The following EXOC4 variants were observed in gnomAD, a reference collection of about 807,000 sequenced individuals.
EXOC4 encodes the protein exocyst complex component 4, also known as SEC8-like 1.
A neutral mutation model predicts 107.2 loss-of-function variants in EXOC4; 71 were observed. That is an observed-to-expected ratio of 0.66 (90% CI 0.55 to 0.81). EXOC4 has a LOEUF of 0.81. EXOC4 is among the 30% of genes least tolerant of loss of function. The probability of loss-of-function intolerance (pLI) is 0.00; values close to 1 mark genes in which losing one functional copy is unlikely to be tolerated. For missense variants in EXOC4, 1,108 were observed against 1,189.6 expected (o/e 0.93, Z 1.01); for synonymous variants, 456 against 441.2 (o/e 1.03, Z -0.42).
At chr7:133,706,851 C>T (rs1353058664) in intron 10 of EXOC4, among the ~76,000 whole-genome samples, 2 of 152,084 alleles carry the variant, frequency 1.3e-5, no homozygotes, top group Non-Finnish European at 2.9e-5. Context: ...GCACTAATCC[C>T]ATCATGAGAT....
At chr7:133,705,081 G>A (rs1438443423) in intron 10 of EXOC4, among the ~76,000 whole-genome samples, 1 of 152,134 alleles carries the variant, frequency 6.6e-6, no homozygotes, top group Non-Finnish European at 1.5e-5. Flanking sequence ...AATTAAGAGA[G>A]AGGCAGGCAC....
intron 5 of EXOC4, among the ~76,000 whole-genome samples, chr7:133,338,836 C>T (rs1795591886): frequency 6.8e-6 from 1 of 148,078 alleles, no homozygotes; most frequent in South Asian, 2.2e-4. Context: ...TCACTGCAAC[C>T]TCTGCTTCCC....
At chr7:133,545,966 T>C (rs1800472373) in intron 9 of EXOC4, among the ~76,000 whole-genome samples, 1 of 152,174 alleles carries the variant, frequency 6.6e-6, no homozygotes, top group Non-Finnish European at 1.5e-5. Flanking sequence ...CTTCAGTTGG[T>C]TTAACTTGCT....
chr7:133,390,650 G>A (rs1035903850), intron 7 of EXOC4, among the ~76,000 whole-genome samples: 1 of 152,252 alleles, frequency 6.6e-6, no homozygotes, highest in South Asian at 2.1e-4. Context: ...TGAGGGTGGG[G>A]CACCAACAGT....
intron 11 of EXOC4, among the ~76,000 whole-genome samples, chr7:133,850,444 C>CT (rs1053028615): frequency 3.9e-4 from 59 of 150,200 alleles, no homozygotes; most frequent in Middle Eastern, 6.8e-3. Flanking sequence ...TTTGTTTTTT[C>CT]TTTTTTTTTA....
chr7:133,707,700 C>T (rs924309713), intron 10 of EXOC4, among the ~76,000 whole-genome samples: 1 of 152,064 alleles, frequency 6.6e-6, no homozygotes, highest in Non-Finnish European at 1.5e-5. Context: ...ACTGCAACTT[C>T]CACCTCCTGG....
intron 14 of EXOC4, among the ~76,000 whole-genome samples, chr7:133,961,839 CA>C (rs1585281278): frequency 6.6e-6 from 1 of 152,190 alleles, no homozygotes; most frequent in Non-Finnish European, 1.5e-5. Context: ...CTTTCAACAG[CA>C]GTAATAGTTG....
intron 10 of EXOC4, among the ~76,000 whole-genome samples, chr7:133,685,468 C>A (rs180670907): frequency 1.3e-5 from 2 of 152,230 alleles, no homozygotes; most frequent in African/African-American, 4.8e-5. Context: ...ATCAATTAAA[C>A]CTCTTTCCTT....
intron 9 of EXOC4, among the ~76,000 whole-genome samples, chr7:133,589,093 CT>C (rs765203250): frequency 3.3e-5 from 5 of 152,050 alleles, no homozygotes; most frequent in Non-Finnish European, 7.4e-5. Context: ...GGTCAGGACA[CT>C]TTTATAAGTG....
At chr7:133,902,659 C>G (rs892332134) in intron 12 of EXOC4, among the ~76,000 whole-genome samples, 3 of 152,066 alleles carry the variant, frequency 2.0e-5, no homozygotes, top group Non-Finnish European at 4.4e-5. Flanking sequence ...TTGAGACCAT[C>G]ATGGCCAACA....
At chr7:133,593,128 AT>A (rs1268340712) in intron 9 of EXOC4, among the ~76,000 whole-genome samples, 1 of 152,156 alleles carries the variant, frequency 6.6e-6, no homozygotes, top group Non-Finnish European at 1.5e-5. Flanking sequence ...GTCATTCTTG[AT>A]TTTTTTGTGA....
chr7:133,262,979 G>A (rs943064051), intron 1 of EXOC4, among the ~76,000 whole-genome samples: 1 of 152,146 alleles, frequency 6.6e-6, no homozygotes, highest in African/African-American at 2.4e-5. Flanking sequence ...TCATGATAGT[G>A]AATAAGTCTC....
intron 11 of EXOC4, among the ~76,000 whole-genome samples, chr7:133,892,879 G>T (rs898409386): frequency 7.0e-6 from 1 of 143,210 alleles, no homozygotes; most frequent in Non-Finnish European, 1.5e-5. Flanking sequence ...GTGTGGTGTG[G>T]TAATGAAAAA....
the EXOC4 span, among the ~76,000 whole-genome samples, chr7:134,083,697 C>A: frequency 1.3e-5 from 2 of 152,106 alleles, no homozygotes; most frequent in Non-Finnish European, 2.9e-5. Context: ...CTAAAAAAAA[C>A]CAAAGCAGAT....
At chr7:134,064,239 A>T in intron 17 of EXOC4, 52 bp from the exon 18 acceptor site, 1 of 1,250,762 alleles carries the variant, frequency 8.0e-7, no homozygotes. Flanking sequence ...TCCCCTCGAG[A>T]CGACGTTACC....
Position 133,952,168 on chromosome 7 carries a change from AAAG to A in EXOC4, c.2206+14102_2206+14104del, listed in dbSNP as rs200646598. Among the ~76,000 whole-genome samples, 215 of 139,618 alleles carry A rather than the reference AAAG, an allele frequency of 1.5e-3. 1 individual carries two copies. The highest frequency in any genetic ancestry group is 4.2e-3 in the African/African-American group (172 of 41,108). The allele number at this position is 139,618 out of a possible 152,430, so 91.6% of individuals were successfully genotyped here. A position where few individuals can be genotyped will look rare whatever the true frequency, so the allele number is the denominator to read the frequency against. ...GTGAGACTGTGTCTCAGAAAAAAAA[AAAG>A]AAAAAAAAAGAAGCTGTTGAATTGT... On this transcript the variant is annotated intron_variant, in intron 14 of 17. Transcript: ENST00000253861.
chr7:133,947,581 A>G (rs1800583946), intron 14 of EXOC4, among the ~76,000 whole-genome samples: 1 of 152,174 alleles, frequency 6.6e-6, no homozygotes, highest in African/African-American at 2.4e-5. Flanking sequence ...CCCAACCACA[A>G]TTCCCTCTGT....
chr7:133,695,304 C>A (rs536943720), intron 10 of EXOC4, among the ~76,000 whole-genome samples: 1 of 152,190 alleles, frequency 6.6e-6, no homozygotes, highest in South Asian at 2.1e-4. Flanking sequence ...GACAGCTTCC[C>A]ATTCTTTTTA....
At chr7:133,711,112 T>G (rs1794884329) in intron 10 of EXOC4, among the ~76,000 whole-genome samples, 2 of 152,220 alleles carry the variant, frequency 1.3e-5, no homozygotes, top group Admixed American at 6.5e-5. Context: ...GGCATTTCAG[T>G]GCACAACCAG....
Sources: allele counts gnomAD v4.1 joint callset (sites outside exome capture counted in the v4.1 genomes callset), GRCh38; gene constraint gnomAD v4.1.1; transcripts MANE v1.5; gene names NCBI Gene and HGNC (gene_info 2026-07-23, HGNC 2026-07-21).